The following PPP1R12B variants were observed in gnomAD, a reference collection of about 807,000 sequenced individuals.
PPP1R12B encodes the protein myosin phosphatase target subunit 2.
PPP1R12B carries 76 observed loss-of-function variants against 126.1 expected under a neutral mutation model. That is an observed-to-expected ratio of 0.60 (90% confidence interval 0.50 to 0.73). The LOEUF (loss-of-function observed/expected upper bound fraction) is 0.73, where lower values mean the gene tolerates loss of function less well. PPP1R12B is among the 30% of genes least tolerant of loss of function. The probability of loss-of-function intolerance (pLI) is 0.00; values close to 1 mark genes in which losing one functional copy is unlikely to be tolerated. For synonymous variants in PPP1R12B, 356 were observed against 434.7 expected (o/e 0.82, Z 2.25); for missense variants, 1,052 against 1,205.1 (o/e 0.87, Z 1.88).
intron 1 of PPP1R12B, among the ~76,000 whole-genome samples, chr1:202,373,964 AT>A (rs1660723723): frequency 6.6e-6 from 1 of 152,074 alleles, no homozygotes; most frequent in Non-Finnish European, 1.5e-5. Context: ...AGGTATATTA[AT>A]TTTTTGATAC....
rs1244531925 is a variant in PPP1R12B at position 202,588,997 on chromosome 1, A to AGTT, written c.*8439_*8441dup. 2 of 152,168 alleles carry AGTT rather than the reference A, an allele frequency of 1.3e-5. No individual in the cohort carries two copies. Among genetic ancestry groups the AGTT allele is most frequent in the African/African-American group, 2.4e-5 (1 of 41,432 alleles). The allele number at this position is 152,168 out of a possible 1,614,324, so 9.4% of individuals were successfully genotyped here. On this transcript the variant is annotated 3_prime_UTR_variant, in exon 24 of 24. Transcript: ENST00000608999. ...ACTAGCACACTCTAGTACATGGGAAAGTTGAGGTCTAGGGAGGTGGTGATT... is the reference window on the plus strand; with the variant it reads ...ACTAGCACACTCTAGTACATGGGAAAGTTGTTGAGGTCTAGGGAGGTGGTGATT...
intron 13 of PPP1R12B, among the ~76,000 whole-genome samples, chr1:202,456,142 G>A (rs999098999): frequency 4.0e-5 from 6 of 151,856 alleles, no homozygotes; most frequent in Non-Finnish European, 8.8e-5. Context: ...GGTGATGCAC[G>A]CCTGTAATCC....
chr1:202,390,851 C>T (rs982216498), intron 1 of PPP1R12B, among the ~76,000 whole-genome samples: 1 of 152,052 alleles, frequency 6.6e-6, no homozygotes, highest in Non-Finnish European at 1.5e-5. Context: ...CACTTGAGTC[C>T]TGGAGTTCAA....
In PPP1R12B at chr1:202,442,685, A is replaced by C. The variant is rs555868857; in HGVS notation, c.1667+113A>C. The C allele has an allele frequency of 1.1e-5, 13 of 1,164,592 alleles. No individual in the cohort carries two copies. In the East Asian group the frequency reaches 3.2e-4, roughly 28 times the overall value. The allele number at this position is 1,164,592 out of a possible 1,614,324, so 72.1% of individuals were successfully genotyped here. ...AACACCGCAGAAATGAATCAAAATG[A>C]ATTACTTTCAGGTTTCTTAGAATTA... On this transcript the variant is annotated intron_variant, in intron 12 of 23. Transcript: ENST00000608999.
chr1:202,525,847 G>A lies in PPP1R12B; in HGVS notation c.2490+29025G>A, dbSNP rs1182871284. On this transcript the variant is annotated intron_variant, in intron 18 of 23. Transcript: ENST00000608999. ...CGAGTAGCTGTGATTACAGGTGCCCGCCACCACACCTTGCTAATATTTTGT... is the reference window on the plus strand; with the variant it reads ...CGAGTAGCTGTGATTACAGGTGCCCACCACCACACCTTGCTAATATTTTGT... Among the ~76,000 whole-genome samples, 5 of 152,152 alleles carry A rather than the reference G, an allele frequency of 3.3e-5. No individual in the cohort carries two copies. The East Asian group carries it at 9.7e-4, about 29-fold the overall frequency.
At chr1:202,500,316 A>C (rs1195625259) in intron 18 of PPP1R12B, among the ~76,000 whole-genome samples, 2 of 152,126 alleles carry the variant, frequency 1.3e-5, no homozygotes, top group East Asian at 3.9e-4. Context: ...TATTCACAAT[A>C]GCTAGGATAT....
At chr1:202,434,567 CA>C in intron 8 of PPP1R12B, 88 bp from the exon 9 acceptor site, 1 of 1,487,512 alleles carries the variant, frequency 6.7e-7, no homozygotes, top group Non-Finnish European at 8.9e-7. Flanking sequence ...TGATAATGGG[CA>C]AATCTTTTCT....
intron 3 of PPP1R12B, among the ~76,000 whole-genome samples, chr1:202,425,035 A>T (rs1669319279): frequency 6.6e-6 from 1 of 152,220 alleles, no homozygotes; most frequent in South Asian, 2.1e-4. Context: ...TAGTGAGTGG[A>T]TAGGGACCCA....
At chr1:202,492,155 A>G (rs1678961870) in intron 14 of PPP1R12B, among the ~76,000 whole-genome samples, 1 of 151,090 alleles carries the variant, frequency 6.6e-6, no homozygotes, top group African/African-American at 2.4e-5. Context: ...CATCCTATAT[A>G]CTCTTGTGTT....
chr1:202,484,379 A>G (rs1327018048), intron 13 of PPP1R12B, among the ~76,000 whole-genome samples: 1 of 152,198 alleles, frequency 6.6e-6, no homozygotes, highest in African/African-American at 2.4e-5. Flanking sequence ...GTTGCATTAA[A>G]ATACTCTAGA....
intron 1 of PPP1R12B, among the ~76,000 whole-genome samples, chr1:202,349,657 GT>G (rs1655579427): frequency 6.6e-6 from 1 of 152,144 alleles, no homozygotes; most frequent in African/African-American, 2.4e-5. Flanking sequence ...CTTCAAAACA[GT>G]TTGTGTTGCC....
At position 202,438,745 on chromosome 1, in the gene PPP1R12B, A is replaced by G; in HGVS notation, c.1458+721A>G. The G allele has an allele frequency of 7.1e-6, 5 of 699,448 alleles. No homozygotes were observed. The South Asian group carries it at 7.8e-5, about 11-fold the overall frequency. The allele number at this position is 699,448 out of a possible 1,614,324, so 43.3% of individuals were successfully genotyped here. A position where few individuals can be genotyped will look rare whatever the true frequency, so the allele number is the denominator to read the frequency against. ...TGCATTTTGCAGACGTCGTGAGAGA[A>G]CAGCATGTGGGAGCTGGTGTTCACC... On this transcript the variant is annotated intron_variant, in intron 10 of 23. Coordinates refer to ENST00000608999, the MANE Select transcript of PPP1R12B (RefSeq NM_002481.4).
intron 13 of PPP1R12B, among the ~76,000 whole-genome samples, chr1:202,485,146 C>T (rs1677920337): frequency 6.6e-6 from 1 of 152,146 alleles, no homozygotes; most frequent in South Asian, 2.1e-4. Context: ...GGCAGTTTCC[C>T]CCCTGTGCAG....
chr1:202,529,828 TTCTGTACCTTTCTCC>T (rs1292686370), intron 18 of PPP1R12B, among the ~76,000 whole-genome samples: 34 of 152,308 alleles, frequency 2.2e-4, no homozygotes, highest in African/African-American at 7.5e-4. Flanking sequence ...CTAAAATTAA[TTCTGTACCTTTCTCC>T]TCTGTACCTT....
chr1:202,466,496 T>C (rs771080203), intron 13 of PPP1R12B, among the ~76,000 whole-genome samples: 1 of 152,104 alleles, frequency 6.6e-6, no homozygotes, highest in Non-Finnish European at 1.5e-5. Flanking sequence ...CATTGTTCCT[T>C]AGGCTTCCTT....
intron 13 of PPP1R12B, among the ~76,000 whole-genome samples, chr1:202,450,074 A>G (rs1318583215): frequency 1.3e-5 from 2 of 152,196 alleles, no homozygotes; most frequent in African/African-American, 4.8e-5. Context: ...GTAATGGAGA[A>G]CCTGTGAAGC....
rs371397079 is a variant in PPP1R12B at position 202,375,711 on chromosome 1, C to T, written c.291+26569C>T. Among the ~76,000 whole-genome samples the T allele has an allele frequency of 2.6e-5, 4 of 152,162 alleles. No individual in the cohort carries two copies. The East Asian group carries it at 7.7e-4, about 29-fold the overall frequency. ...GTCTACAGGTGTGTGCCACCATGCTCGAGTAATTTTTTAATCTTTATTTTG... is the reference window on the plus strand; with the variant it reads ...GTCTACAGGTGTGTGCCACCATGCTTGAGTAATTTTTTAATCTTTATTTTG... On this transcript the variant is annotated intron_variant, in intron 1 of 23. Coordinates refer to ENST00000608999, the MANE Select transcript of PPP1R12B (RefSeq NM_002481.4).
At chr1:202,480,175 G>A (rs1677168500) in intron 13 of PPP1R12B, among the ~76,000 whole-genome samples, 1 of 152,138 alleles carries the variant, frequency 6.6e-6, no homozygotes, top group African/African-American at 2.4e-5. Context: ...CCAGAGAACT[G>A]CAGTCTGTTA....
chr1:202,514,177 A>G (rs1294565502), intron 18 of PPP1R12B, among the ~76,000 whole-genome samples: 2 of 152,022 alleles, frequency 1.3e-5, no homozygotes, highest in Non-Finnish European at 2.9e-5. Context: ...GCATTTCTCT[A>G]ATCATCAGTG....
Sources: allele counts gnomAD v4.1 joint callset (sites outside exome capture counted in the v4.1 genomes callset), GRCh38; gene constraint gnomAD v4.1.1; transcripts MANE v1.5; gene names NCBI Gene and HGNC (gene_info 2026-07-23, HGNC 2026-07-21).